The following MED27 variants were observed in gnomAD, a reference collection of about 807,000 sequenced individuals.
MED27 encodes the protein mediator of RNA polymerase II transcription subunit 27.
A neutral mutation model predicts 38.2 loss-of-function variants in MED27; 30 were observed. The ratio of observed to expected loss-of-function variants is 0.79; its 90% CI spans 0.59 to 1.07. The LOEUF (loss-of-function observed/expected upper bound fraction) is 1.07. Among genes scored for constraint, MED27 ranks in the 50% least tolerant of loss-of-function variants. The probability of loss-of-function intolerance (pLI) is 0.00; values close to 1 mark genes in which losing one functional copy is unlikely to be tolerated. For synonymous variants in MED27, 122 were observed against 153.5 expected, an observed-to-expected ratio of 0.79 and a Z score of 1.52; for missense variants, 289 against 397.5, an observed-to-expected ratio of 0.73 and a Z score of 2.32.
At chr9:132,049,477 C>CGGTAA (rs1458725646) in intron 2 of MED27, among the ~76,000 whole-genome samples, 6 of 152,020 alleles carry the variant, frequency 3.9e-5, no homozygotes, top group Non-Finnish European at 8.8e-5. Context: ...GGGAGAGCAG[C>CGGTAA]GGTAAAGTGG....
chr9:131,885,361 G>A (rs987918680), intron 5 of MED27, among the ~76,000 whole-genome samples: 1 of 152,170 alleles, frequency 6.6e-6, no homozygotes, highest in South Asian at 2.1e-4. Flanking sequence ...GAAGCCCCCG[G>A]GGGAAGGTTT....
intron 4 of MED27, among the ~76,000 whole-genome samples, chr9:131,905,029 A>G (rs1320140334): frequency 1.3e-5 from 2 of 152,200 alleles, no homozygotes; most frequent in Non-Finnish European, 2.9e-5. Context: ...GTGCTTCCCA[A>G]TCTTGGTTTC....
chr9:132,019,738 G>A lies in MED27; in HGVS notation c.349-5271C>T, dbSNP rs114797395. On this transcript the variant is annotated intron_variant, in intron 2 of 7. Transcript: ENST00000292035. The stretch of plus-strand genomic sequence containing the variant: ...GTTTGCCTTAATAGCTCTGTCCCGC[G>A]GGGATAGGTATGCTGCATCTTTCTA... 1.9e-3 allele frequency among the ~76,000 whole-genome samples: 293 copies of A among 152,340 alleles called. 1 individual carries two copies. Among genetic ancestry groups the A allele is most frequent in the African/African-American group, 6.2e-3 (259 of 41,574 alleles).
chr9:131,860,669 AG>A lies in MED27; in HGVS notation c.804del (p.Trp269GlyfsTer2). ...MPDVVVRSFM[T>X]WLRSYIKLFQ... ...AACAGCTTTATGTAACTTCTTAACC[AG>A]GTCTAAAAAGAGAAACGAGGAGAGA... On this transcript the variant is annotated frameshift_variant and splice_region_variant, in exon 8 of 8. Transcript: ENST00000292035. LOFTEE classifies it high-confidence loss of function. This position sits in a 1 kb window ranked among gnomAD's most constrained non-coding sequence, Gnocchi z 5.8. 6.2e-7 allele frequency: 1 copy of A among 1,613,082 alleles called. No homozygotes were observed. Among genetic ancestry groups the A allele is most frequent in the East Asian group, 2.2e-5 (1 of 44,832 alleles).
At chr9:131,984,622 G>A (rs554886457) in intron 3 of MED27, among the ~76,000 whole-genome samples, 2 of 152,310 alleles carry the variant, frequency 1.3e-5, no homozygotes, top group South Asian at 4.1e-4. Flanking sequence ...AGATTGGGTA[G>A]TCAGGGAAGG....
chr9:131,981,788 C>T (rs984349769), intron 3 of MED27, among the ~76,000 whole-genome samples: 20 of 152,246 alleles, frequency 1.3e-4, no homozygotes, highest in African/African-American at 4.3e-4. Context: ...AGGGGGCACA[C>T]GGCGGCCAAG....
At chr9:132,026,685 C>A (rs1356092065) in intron 2 of MED27, among the ~76,000 whole-genome samples, 1 of 152,178 alleles carries the variant, frequency 6.6e-6, no homozygotes, top group African/African-American at 2.4e-5. Flanking sequence ...AGGTCAAGAT[C>A]TGCCTAGAAT....
At chr9:132,017,996 G>A (rs543973457) in intron 2 of MED27, among the ~76,000 whole-genome samples, 2 of 152,320 alleles carry the variant, frequency 1.3e-5, no homozygotes, top group South Asian at 2.1e-4. Context: ...CTGACGAAAT[G>A]TAAGTGGGAG....
intron 3 of MED27, among the ~76,000 whole-genome samples, chr9:131,949,404 T>C (rs1008328581): frequency 2.6e-5 from 4 of 152,064 alleles, no homozygotes; most frequent in African/African-American, 9.7e-5. Context: ...CTCTGGGAAG[T>C]AAGCAGGGCA....
intron 2 of MED27, among the ~76,000 whole-genome samples, chr9:132,070,648 G>A (rs1833915943): frequency 6.6e-6 from 1 of 152,120 alleles, no homozygotes; most frequent in South Asian, 2.1e-4. Context: ...AGCTCTTACT[G>A]AGTACCAAGA....
rs1370767596 is a variant in MED27, at chr9:131,945,131, CTT to C, written c.480-5659_480-5658del. On this transcript the variant is annotated intron_variant, in intron 3 of 7. Coordinates refer to ENST00000292035, the MANE Select transcript of MED27 (RefSeq NM_004269.4). ...TTTATATATAAATATATAAAAATAT[CTT>C]TATATATAAAAAATTTATATATATA... Among the ~76,000 whole-genome samples the C allele has an allele frequency of 2.1e-5, 3 of 144,334 alleles. No individual in the cohort carries two copies. In the East Asian group the frequency reaches 6.0e-4, roughly 29 times the overall value. The allele number at this position is 144,334 out of a possible 152,430, so 94.7% of individuals were successfully genotyped here.
intron 6 of MED27, among the ~76,000 whole-genome samples, chr9:131,864,804 C>G (rs1351544913): frequency 6.6e-6 from 1 of 152,260 alleles, no homozygotes; most frequent in Non-Finnish European, 1.5e-5. Flanking sequence ...CTCTCTAAGC[C>G]TCAGTTTCCC....
At chr9:132,050,082 G>A (rs1833430163) in intron 2 of MED27, among the ~76,000 whole-genome samples, 1 of 152,160 alleles carries the variant, frequency 6.6e-6, no homozygotes, top group African/African-American at 2.4e-5. Flanking sequence ...TGCTCATGAT[G>A]TAATCCGAAC....
At chr9:131,881,236 A>G (rs1839032213) in intron 6 of MED27, among the ~76,000 whole-genome samples, 1 of 152,250 alleles carries the variant, frequency 6.6e-6, no homozygotes, top group Non-Finnish European at 1.5e-5. Context: ...TGACAAGGAC[A>G]GTCAGCACGG....
At chr9:131,960,268 G>A (rs1831188620) in intron 3 of MED27, among the ~76,000 whole-genome samples, 1 of 152,188 alleles carries the variant, frequency 6.6e-6, no homozygotes, top group Admixed American at 6.5e-5. Context: ...CAGGAGATCT[G>A]TTACAATTAA....
intron 2 of MED27, among the ~76,000 whole-genome samples, chr9:132,053,564 T>C (rs1276708108): frequency 6.6e-6 from 1 of 152,188 alleles, no homozygotes; most frequent in Non-Finnish European, 1.5e-5. Flanking sequence ...GGGTGGACAC[T>C]ATCCCGTTTC....
chr9:131,919,986 T>C (rs1830359896), intron 4 of MED27, among the ~76,000 whole-genome samples: 2 of 152,022 alleles, frequency 1.3e-5, no homozygotes, highest in African/African-American at 2.4e-5. Context: ...ATTTTTAAAA[T>C]TTTTTGTAGA....
intron 3 of MED27, among the ~76,000 whole-genome samples, chr9:131,949,135 T>G (rs959940742): frequency 2.6e-5 from 4 of 152,202 alleles, no homozygotes. Context: ...TAGAGAAGAA[T>G]TGTTTACTAT....
chr9:132,009,244 G>A (rs1271542553), intron 3 of MED27, among the ~76,000 whole-genome samples: 1 of 152,160 alleles, frequency 6.6e-6, no homozygotes, highest in African/African-American at 2.4e-5. Flanking sequence ...AGTGAATGGG[G>A]TTTACAGGCT....
Sources: gnomAD v4.1 joint callset for allele counts (sites outside exome capture counted in the v4.1 genomes callset) on GRCh38, gnomAD v4.1.1 for gene constraint, Gnocchi (gnomAD v3.1) non-coding constraint, MANE v1.5 for transcripts, NCBI Gene and HGNC (gene_info 2026-07-23, HGNC 2026-07-21) for gene names.